CLCN3: variants seen among roughly 807,000 people sequenced by gnomAD.
CLCN3 encodes the protein H(+)/Cl(-) exchange transporter 3.
In CLCN3, 16 loss-of-function variants were observed where a neutral mutation model predicts 83.4. That is an observed-to-expected ratio of 0.19 (90% CI 0.13 to 0.29). The LOEUF is 0.29. Ranked by LOEUF, CLCN3 falls within the 10% of genes least tolerant of loss-of-function variation. The probability of loss-of-function intolerance (pLI) is 1.00; values close to 1 mark genes in which losing one functional copy is unlikely to be tolerated. For synonymous variants in CLCN3, 322 were observed against 346.2 expected, an observed-to-expected ratio of 0.93 and a Z score of 0.78; for missense variants, 544 against 1,006.0, an observed-to-expected ratio of 0.54 and a Z score of 6.21.
chr4:169,692,442 G>C, intron 7 of CLCN3, 122 bp downstream of exon 7: 1 of 415,638 alleles, frequency 2.4e-6, no homozygotes, highest in South Asian at 7.6e-5. Flanking sequence ...TTTGAGATTT[G>C]TGCTTCTGTT....
chr4:169,691,478 T>A (rs1732370522), intron 6 of CLCN3, among the ~76,000 whole-genome samples: 1 of 152,152 alleles, frequency 6.6e-6, no homozygotes, highest in African/African-American at 2.4e-5. Flanking sequence ...TAAAGTAGAG[T>A]TATACATAGG....
At chr4:169,674,596 A>G (rs1237201462) in intron 2 of CLCN3, among the ~76,000 whole-genome samples, 1 of 152,184 alleles carries the variant, frequency 6.6e-6, no homozygotes, top group Non-Finnish European at 1.5e-5. Context: ...TATGTGTTGT[A>G]TGTAAATGAA....
intron 2 of CLCN3, among the ~76,000 whole-genome samples, chr4:169,647,617 G>A (rs1277341929): frequency 1.3e-5 from 2 of 152,036 alleles, no homozygotes; most frequent in African/African-American, 4.8e-5. Context: ...GGAATAATTT[G>A]AGCAACAAAA....
intron 2 of CLCN3, among the ~76,000 whole-genome samples, chr4:169,665,722 A>C (rs1657001390): frequency 6.6e-6 from 1 of 152,202 alleles, no homozygotes; most frequent in Admixed American, 6.5e-5. Context: ...TTTTTTAAAA[A>C]GGTTCATATG....
intron 2 of CLCN3, among the ~76,000 whole-genome samples, chr4:169,639,027 G>A (rs1372267279): frequency 1.3e-5 from 2 of 152,070 alleles, no homozygotes; most frequent in Non-Finnish European, 2.9e-5. Context: ...GCAACCATTG[G>A]TGTTTTCTTT....
intron 9 of CLCN3, 46 bp from the exon 10 acceptor site, chr4:169,703,952 T>G (rs751201640): frequency 1.3e-6 from 2 of 1,549,782 alleles, no homozygotes; most frequent in East Asian, 2.3e-5. Flanking sequence ...TTCAGGCATG[T>G]GAGTAGAGGA....
intron 1 of CLCN3, among the ~76,000 whole-genome samples, chr4:169,624,746 T>C (rs1466407450): frequency 6.6e-6 from 1 of 152,240 alleles, no homozygotes; most frequent in Non-Finnish European, 1.5e-5. Flanking sequence ...AGCTATTCTA[T>C]AAATGTTAGT....
At chr4:169,671,148 G>A (rs185341862) in intron 2 of CLCN3, among the ~76,000 whole-genome samples, 5 of 152,208 alleles carry the variant, frequency 3.3e-5, no homozygotes, top group South Asian at 2.1e-4. Context: ...ACATGCACAC[G>A]TATGTTTATT....
chr4:169,705,686 A>G (rs1461530518), intron 10 of CLCN3, among the ~76,000 whole-genome samples: 3 of 152,166 alleles, frequency 2.0e-5, no homozygotes, highest in African/African-American at 7.2e-5. Flanking sequence ...TCTCCTTGCT[A>G]TTTTTAGGTA....
chr4:169,658,127 A>T (rs1279752983), intron 2 of CLCN3, among the ~76,000 whole-genome samples: 1 of 152,068 alleles, frequency 6.6e-6, no homozygotes, highest in Non-Finnish European at 1.5e-5. Context: ...GAATTATATA[A>T]ACACTGAATG....
chr4:169,674,433 A>G (rs1731597950), intron 2 of CLCN3, among the ~76,000 whole-genome samples: 1 of 152,210 alleles, frequency 6.6e-6, no homozygotes, highest in South Asian at 2.1e-4. Flanking sequence ...TCAAGATATT[A>G]TAAGTATTCC....
chr4:169,718,313 T>C (rs1733503795), intron 12 of CLCN3, among the ~76,000 whole-genome samples: 1 of 151,604 alleles, frequency 6.6e-6, no homozygotes. Flanking sequence ...AAATCTAAGC[T>C]CCTAAAGGAT....
intron 1 of CLCN3, among the ~76,000 whole-genome samples, chr4:169,629,895 A>G (rs915799601): frequency 1.3e-5 from 2 of 152,198 alleles, no homozygotes; most frequent in African/African-American, 2.4e-5. Context: ...TACTAACTGC[A>G]TGACTTTGGG....
intron 12 of CLCN3, among the ~76,000 whole-genome samples, chr4:169,715,413 T>A (rs933322499): frequency 2.6e-5 from 4 of 152,108 alleles, no homozygotes; most frequent in Non-Finnish European, 2.9e-5. Flanking sequence ...AATTGATACA[T>A]ATATGGGGAG....
chr4:169,643,960 A>G (rs73864746), intron 2 of CLCN3, among the ~76,000 whole-genome samples: 1,731 of 152,356 alleles, frequency 0.011, 37 homozygotes, highest in African/African-American at 0.039. Flanking sequence ...TAGCCTAAAT[A>G]ACTAAAGTGA....
chr4:169,716,519 A>G (rs1466896108), intron 12 of CLCN3, among the ~76,000 whole-genome samples: 2 of 152,170 alleles, frequency 1.3e-5, no homozygotes, highest in Non-Finnish European at 2.9e-5. Context: ...ATGGCTTAAA[A>G]AAAAGAAATC....
At chr4:169,672,556 G>C (rs1232788362) in intron 2 of CLCN3, among the ~76,000 whole-genome samples, 1 of 152,110 alleles carries the variant, frequency 6.6e-6, no homozygotes, top group Non-Finnish European at 1.5e-5. Flanking sequence ...AGATGAAATC[G>C]AGAGGTGAAA....
intron 12 of CLCN3, chr4:169,717,951 C>T: frequency 1.2e-6 from 1 of 841,954 alleles, no homozygotes; most frequent in Admixed American, 2.0e-5. Context: ...TTCTGTCTTT[C>T]CCAGATATCT....
chr4:169,688,564 T>C (rs1174824970), intron 4 of CLCN3, among the ~76,000 whole-genome samples: 3 of 152,228 alleles, frequency 2.0e-5, no homozygotes, highest in Admixed American at 6.5e-5. Context: ...GACCATAAAT[T>C]TGTGTATTTT....
Sources: gnomAD v4.1 joint callset for allele counts (sites outside exome capture counted in the v4.1 genomes callset) on GRCh38, gnomAD v4.1.1 for gene constraint, MANE v1.5 for transcripts, NCBI Gene and HGNC (gene_info 2026-07-23, HGNC 2026-07-21) for gene names.